SCAND3: variants seen among roughly 807,000 people sequenced by gnomAD.
SCAND3 encodes SCAN domain-containing protein 3.
chr6:28,573,044 C>A, the SCAND3 span: 4 of 1,611,904 alleles, frequency 2.5e-6, no homozygotes, highest in Non-Finnish European at 3.4e-6. Flanking sequence ...TTCTTTACAG[C>A]TTCATACAGT....
the SCAND3 span, among the ~76,000 whole-genome samples, chr6:28,588,524 C>T: frequency 6.6e-6 from 1 of 152,206 alleles, no homozygotes; most frequent in East Asian, 1.9e-4. The surrounding 1 kb of genome is among the most constrained non-coding windows in gnomAD (Gnocchi z 4.1). Flanking sequence ...AGTGAAGTTT[C>T]TTCATCCTCA....
chr6:28,604,645 C>T, the SCAND3 span, among the ~76,000 whole-genome samples: 1 of 151,454 alleles, frequency 6.6e-6, no homozygotes, highest in Non-Finnish European at 1.5e-5. Flanking sequence ...TTAACTATTA[C>T]ATATTTATTT....
chr6:28,582,221 T>G, the SCAND3 span, among the ~76,000 whole-genome samples: 1 of 152,230 alleles, frequency 6.6e-6, no homozygotes, highest in Non-Finnish European at 1.5e-5. The surrounding 1 kb of genome is among the most constrained non-coding windows in gnomAD (Gnocchi z 4.8). Flanking sequence ...CAACACAATC[T>G]TGTAAACTTT....
At chr6:28,579,741 G>T in the SCAND3 span, among the ~76,000 whole-genome samples, 3 of 152,196 alleles carry the variant, frequency 2.0e-5, no homozygotes, top group Non-Finnish European at 2.9e-5. This position sits in a 1 kb window ranked among gnomAD's most constrained non-coding sequence, Gnocchi z 4.5. Flanking sequence ...GAGTTCCAGT[G>T]TGGTTAATTA....
At chr6:28,579,534 T>C in the SCAND3 span, 1 of 952,538 alleles carries the variant, frequency 1.0e-6, no homozygotes, top group Non-Finnish European at 1.6e-6. This position sits in a 1 kb window ranked among gnomAD's most constrained non-coding sequence, Gnocchi z 4.5. Flanking sequence ...CTTTACTGAA[T>C]TCTTAAGTAC....
chr6:28,598,289 A>G, the SCAND3 span, among the ~76,000 whole-genome samples: 1 of 152,174 alleles, frequency 6.6e-6, no homozygotes, highest in African/African-American at 2.4e-5. Context: ...CCATCTACTC[A>G]CTAGAGCTTC....
chr6:28,589,316 G>T, the SCAND3 span: 2 of 152,166 alleles, frequency 1.3e-5, no homozygotes, highest in Admixed American at 1.3e-4. Flanking sequence ...ATCGGAACTA[G>T]AAAGTTTATT....
the SCAND3 span, chr6:28,575,084 C>T: frequency 1.2e-6 from 2 of 1,614,150 alleles, no homozygotes; most frequent in East Asian, 2.2e-5. The surrounding 1 kb of genome is among the most constrained non-coding windows in gnomAD (Gnocchi z 4.2). Flanking sequence ...AAGCTGGCAA[C>T]AAGTTCTTCA....
the SCAND3 span, among the ~76,000 whole-genome samples, chr6:28,609,087 T>C: frequency 2.4e-3 from 360 of 152,352 alleles, no homozygotes; most frequent in African/African-American, 7.9e-3. Context: ...TACATTTAAA[T>C]TGTTTTTCAT....
the SCAND3 span, chr6:28,586,174 A>G: frequency 2.7e-6 from 2 of 744,520 alleles, no homozygotes; most frequent in Admixed American, 4.7e-5. This position sits in a 1 kb window ranked among gnomAD's most constrained non-coding sequence, Gnocchi z 4.4. Context: ...TACACCAGTG[A>G]TCAAATAAGA....
the SCAND3 span, among the ~76,000 whole-genome samples, chr6:28,598,276 A>G: frequency 6.6e-6 from 1 of 152,156 alleles, no homozygotes; most frequent in Admixed American, 6.5e-5. Context: ...AGCACCAAGG[A>G]ACCCATCTAC....
chr6:28,575,777 T>C, the SCAND3 span: 1 of 1,614,132 alleles, frequency 6.2e-7, no homozygotes, highest in African/African-American at 1.3e-5. The surrounding 1 kb of genome is among the most constrained non-coding windows in gnomAD (Gnocchi z 4.2). Flanking sequence ...TTATGCAGAA[T>C]GTCAAATAAG....
chr6:28,576,602 G>A, the SCAND3 span, among the ~76,000 whole-genome samples: 64 of 152,000 alleles, frequency 4.2e-4, no homozygotes, highest in Non-Finnish European at 9.1e-4. Flanking sequence ...CAACTTTGGT[G>A]GAATGAAGAG....
the SCAND3 span, chr6:28,587,756 A>G: frequency 6.6e-6 from 1 of 150,980 alleles, no homozygotes; most frequent in Non-Finnish European, 1.5e-5. Context: ...CATTGTTTCC[A>G]TTTTACGGAT....
the SCAND3 span, among the ~76,000 whole-genome samples, chr6:28,588,884 G>A: frequency 6.6e-6 from 1 of 152,210 alleles, no homozygotes; most frequent in Non-Finnish European, 1.5e-5. This position sits in a 1 kb window ranked among gnomAD's most constrained non-coding sequence, Gnocchi z 4.1. Flanking sequence ...TCGCTAAAGT[G>A]TGTTAAGATC....
the SCAND3 span, chr6:28,594,378 G>A: frequency 6.6e-6 from 1 of 152,268 alleles, no homozygotes; most frequent in Admixed American, 6.5e-5. Context: ...TGCTAGGCCA[G>A]GAACAGTGGC....
the SCAND3 span, among the ~76,000 whole-genome samples, chr6:28,598,792 GC>G: frequency 6.8e-6 from 1 of 146,596 alleles, no homozygotes; most frequent in African/African-American, 2.6e-5. Flanking sequence ...CACGAAAATC[GC>G]TTGAACTCAG....
chr6:28,609,274 A>C, the SCAND3 span, among the ~76,000 whole-genome samples: 1 of 152,302 alleles, frequency 6.6e-6, no homozygotes, highest in South Asian at 2.1e-4. Flanking sequence ...CAAATGAAAA[A>C]CTTACTATAG....
At chr6:28,598,556 C>CA in the SCAND3 span, among the ~76,000 whole-genome samples, 13 of 152,080 alleles carry the variant, frequency 8.5e-5, no homozygotes, top group East Asian at 2.5e-3. Context: ...TTTAATGATT[C>CA]AAACAATTGT....
Sources: allele counts gnomAD v4.1 joint callset (sites outside exome capture counted in the v4.1 genomes callset), GRCh38; gene constraint gnomAD v4.1.1; non-coding constraint Gnocchi (gnomAD v3.1); transcripts MANE v1.5; gene names NCBI Gene and HGNC (gene_info 2026-07-23, HGNC 2026-07-21).